Variants in STXBP5 observed in about 807,000 individuals in gnomAD.
The protein encoded by STXBP5 is syntaxin binding protein 5, also known as syntaxin-binding protein 5.
Under a neutral mutation model 152.4 loss-of-function variants are expected in STXBP5, and 50 were observed. The ratio of observed to expected loss-of-function variants is 0.33; its 90% CI spans 0.26 to 0.42. The LOEUF (loss-of-function observed/expected upper bound fraction) is 0.42. Ranked by LOEUF, STXBP5 falls within the 10% of genes least tolerant of loss-of-function variation. The pLI is 1.00. For missense variants in STXBP5, 1,167 were observed against 1,388.6 expected (o/e 0.84, Z 2.54); for synonymous variants, 492 against 494.7 (o/e 0.99, Z 0.07).
intron 7 of STXBP5, among the ~76,000 whole-genome samples, chr6:147,272,303 A>G (rs1456447742): frequency 6.6e-6 from 1 of 152,228 alleles, no homozygotes; most frequent in Non-Finnish European, 1.5e-5. Context: ...TAAGGAGACT[A>G]CAGACCAGTA....
chr6:147,335,803 A>C (rs1236781880), intron 19 of STXBP5, among the ~76,000 whole-genome samples: 1 of 152,146 alleles, frequency 6.6e-6, no homozygotes, highest in Non-Finnish European at 1.5e-5. Context: ...CGTCTCAAAA[A>C]AAAAAGAAAA....
chr6:147,306,331 T>TA (rs1394268128), intron 9 of STXBP5, among the ~76,000 whole-genome samples: 1 of 152,030 alleles, frequency 6.6e-6, no homozygotes, highest in African/African-American at 2.4e-5. Context: ...TGAGTAGAGG[T>TA]ATACAGAAGG....
At chr6:147,250,899 C>T (rs926510883) in intron 4 of STXBP5, among the ~76,000 whole-genome samples, 5 of 139,876 alleles carry the variant, frequency 3.6e-5, no homozygotes, top group South Asian at 2.3e-4. Flanking sequence ...ACCTGGGAGG[C>T]GGAGGTTGCA....
At chr6:147,269,843 A>G (rs895411543) in intron 7 of STXBP5, among the ~76,000 whole-genome samples, 3 of 152,226 alleles carry the variant, frequency 2.0e-5, no homozygotes, top group African/African-American at 4.8e-5. Context: ...GACTTCAAGC[A>G]GACTAATATG....
intron 7 of STXBP5, among the ~76,000 whole-genome samples, chr6:147,271,167 T>G (rs1780146456): frequency 6.6e-6 from 1 of 152,056 alleles, no homozygotes; most frequent in Non-Finnish European, 1.5e-5. Flanking sequence ...AAGACAGCAA[T>G]TATCATATTG....
chr6:147,381,323 C>T (rs1786074267), intron 26 of STXBP5, among the ~76,000 whole-genome samples: 1 of 152,040 alleles, frequency 6.6e-6, no homozygotes, highest in African/African-American at 2.4e-5. Flanking sequence ...AAGTCAAATC[C>T]ACAATGTGAT....
At chr6:147,372,645 G>A (rs1369737623) in intron 25 of STXBP5, among the ~76,000 whole-genome samples, 1 of 151,462 alleles carries the variant, frequency 6.6e-6, no homozygotes, top group Non-Finnish European at 1.5e-5. Flanking sequence ...ATGTTGGTCA[G>A]GCTGGTCTCG....
At chr6:147,353,434 GA>G in intron 22 of STXBP5, 61 bp downstream of exon 22, 1 of 1,167,122 alleles carries the variant, frequency 8.6e-7, no homozygotes, top group Non-Finnish European at 1.2e-6. Flanking sequence ...AAGGAAATCA[GA>G]AAATTTATAG....
chr6:147,345,373 CAA>C (rs1262251346), intron 21 of STXBP5, among the ~76,000 whole-genome samples: 5 of 152,268 alleles, frequency 3.3e-5, no homozygotes, highest in African/African-American at 7.2e-5. Context: ...CGATACATGA[CAA>C]GAGAGTTTCT....
intron 21 of STXBP5, among the ~76,000 whole-genome samples, chr6:147,347,035 GCTGGCATGA>G (rs1351520515): frequency 6.6e-6 from 1 of 152,148 alleles, no homozygotes; most frequent in Non-Finnish European, 1.5e-5. Context: ...ATTCTGGGTT[GCTGGCATGA>G]CTGGAATATT....
chr6:147,334,183 A>T lies in STXBP5; in HGVS notation c.2107A>T (p.Thr703Ser), dbSNP rs781537472. The T allele has an allele frequency of 1.9e-6, 3 of 1,612,086 alleles. No individual in the cohort carries two copies. In the Admixed American group the frequency reaches 5.0e-5, roughly 27 times the overall value. Residue 703 changes from threonine (T) to serine (S), a missense_variant, in exon 19 of 28, where the codon ACT (threonine) becomes TCT (serine). Thr to Ser is a moderately conservative substitution (Grantham distance 58). This residue lies in a region of STXBP5 where 833 missense variants were observed against 986.3 expected (regional missense o/e 0.84). Transcript: ENST00000321680. ...CGGTCTGTGTGATATTAGTGAAGGGACTGTTGTTCCAGAGGATCGCTGCAA... is the reference window on the plus strand; with the variant it reads ...CGGTCTGTGTGATATTAGTGAAGGGTCTGTTGTTCCAGAGGATCGCTGCAA... Reference protein sequence around the residue: ...GAGLCDISEGTVVPEDRCKSP... With the variant: ...GAGLCDISEGSVVPEDRCKSP...
At chr6:147,296,422 C>A (rs779254599) in intron 9 of STXBP5, among the ~76,000 whole-genome samples, 8 of 152,008 alleles carry the variant, frequency 5.3e-5, no homozygotes, top group Admixed American at 5.2e-4. Context: ...CATCATGTCT[C>A]CACCCAGAAC....
Position 147,235,223 on chromosome 6 carries a change from T to G in STXBP5, c.249-27T>G, listed in dbSNP as rs1036855148. ...GTTTCTCAAAACCGAACAAATACCA[T>G]AAACTCCTTAATGGAATTAATTACA... On this transcript the variant is annotated intron_variant, in intron 2 of 27. Coordinates refer to ENST00000321680, the MANE Select transcript of STXBP5 (RefSeq NM_001127715.4). 6 of 1,606,898 alleles carry G rather than the reference T, an allele frequency of 3.7e-6. No homozygotes were observed. The African/African-American group carries it at 8.0e-5, about 21-fold the overall frequency.
rs539432346 is a variant in STXBP5, at chr6:147,300,438, G to A, written c.917+9266G>A. Among the ~76,000 whole-genome samples the A allele has an allele frequency of 1.2e-4, 18 of 152,184 alleles. No individual in the cohort carries two copies. In the South Asian group the frequency reaches 3.7e-3, roughly 32 times the overall value. On this transcript the variant is annotated intron_variant, in intron 9 of 27. Transcript: ENST00000321680. Reference sequence around the variant, plus strand: ...CTACAAAACTGTGGTAATCAAAACAGCATGGTATTGGCATAAAAAGAGATG... The same window carrying A: ...CTACAAAACTGTGGTAATCAAAACAACATGGTATTGGCATAAAAAGAGATG...
At chr6:147,238,917 T>C (rs1255616269) in intron 3 of STXBP5, among the ~76,000 whole-genome samples, 1 of 152,212 alleles carries the variant, frequency 6.6e-6, no homozygotes, top group Non-Finnish European at 1.5e-5. Context: ...TAGATCCTAG[T>C]ATAGTTTTGG....
chr6:147,266,836 A>T (rs1028251191), intron 6 of STXBP5, among the ~76,000 whole-genome samples: 19 of 152,290 alleles, frequency 1.2e-4, no homozygotes, highest in African/African-American at 4.3e-4. Flanking sequence ...AGACTTCAAA[A>T]TGGTACTGTT....
chr6:147,344,732 T>C (rs1173166215), intron 21 of STXBP5, among the ~76,000 whole-genome samples: 2 of 152,224 alleles, frequency 1.3e-5, no homozygotes, highest in Admixed American at 6.5e-5. Context: ...TGTCTCCTAG[T>C]ATAGTAGAGG....
chr6:147,359,796 T>A (rs1784983381), intron 23 of STXBP5, among the ~76,000 whole-genome samples: 1 of 152,066 alleles, frequency 6.6e-6, no homozygotes, highest in Non-Finnish European at 1.5e-5. Context: ...GAACTCATCA[T>A]TTTTTATGGC....
chr6:147,248,482 C>G (rs1582839121), intron 4 of STXBP5, among the ~76,000 whole-genome samples: 1 of 151,952 alleles, frequency 6.6e-6, no homozygotes, highest in African/African-American at 2.4e-5. Flanking sequence ...AGTCAGTCAT[C>G]AGGAAAATGC....
Sources: allele counts gnomAD v4.1 joint callset (sites outside exome capture counted in the v4.1 genomes callset), GRCh38; gene constraint gnomAD v4.1.1; regional missense constraint gnomAD v4.1.1; transcripts MANE v1.5; gene names NCBI Gene and HGNC (gene_info 2026-07-23, HGNC 2026-07-21).